The following ERBIN variants were observed in gnomAD, a reference collection of about 807,000 sequenced individuals.
ERBIN encodes the protein densin-180-like protein.
In ERBIN, 60 loss-of-function variants were observed where a neutral mutation model predicts 158.4. The ratio of observed to expected loss-of-function variants is 0.38; its 90% CI spans 0.31 to 0.47. The LOEUF (loss-of-function observed/expected upper bound fraction) is 0.47. Ranked by LOEUF, ERBIN falls within the 20% of genes least tolerant of loss-of-function variation. ERBIN has a pLI of 0.99. For missense variants in ERBIN, 1,610 were observed against 1,648.0 expected (o/e 0.98, Z 0.40); for synonymous variants, 594 against 557.2 (o/e 1.07, Z -0.93).
intron 4 of ERBIN, among the ~76,000 whole-genome samples, chr5:66,001,148 T>A (rs144085024): frequency 0.012 from 1,763 of 152,300 alleles, 29 homozygotes; most frequent in Middle Eastern, 0.065. Context: ...GCAAATGTAA[T>A]ATTTTGAAAT....
chr5:66,018,981 G>C (rs1174542956), intron 7 of ERBIN, among the ~76,000 whole-genome samples: 2 of 152,018 alleles, frequency 1.3e-5, no homozygotes, highest in African/African-American at 4.8e-5. Context: ...ATGCTTTCTT[G>C]ATTTTTCAGA....
intron 1 of ERBIN, among the ~76,000 whole-genome samples, chr5:65,931,347 GA>G (rs1199536546): frequency 6.6e-6 from 1 of 152,182 alleles, no homozygotes; most frequent in Non-Finnish European, 1.5e-5. Context: ...TGAAGCAATA[GA>G]AAAATGGAAA....
chr5:65,984,290 T>C (rs141960644), intron 1 of ERBIN, among the ~76,000 whole-genome samples: 26 of 142,318 alleles, frequency 1.8e-4, no homozygotes, highest in African/African-American at 5.5e-4. Context: ...TCTTCACTTA[T>C]CAGTCTTGTC....
chr5:65,974,373 A>T (rs1333430146), intron 1 of ERBIN, among the ~76,000 whole-genome samples: 3 of 152,214 alleles, frequency 2.0e-5, no homozygotes, highest in Non-Finnish European at 4.4e-5. Flanking sequence ...GAAAGCAAGC[A>T]TAGGTTGGTA....
intron 14 of ERBIN, among the ~76,000 whole-genome samples, chr5:66,034,607 T>A (rs1757207790): frequency 1.6e-5 from 2 of 125,530 alleles, no homozygotes; most frequent in Admixed American, 1.5e-4. Context: ...TCTTGAATCC[T>A]TTTTTTTTTT....
At chr5:66,021,568 T>A (rs1755690805) in intron 8 of ERBIN, among the ~76,000 whole-genome samples, 183 bp downstream of exon 8, 1 of 152,080 alleles carries the variant, frequency 6.6e-6, no homozygotes, top group South Asian at 2.1e-4. Context: ...ACAGATGAAC[T>A]TCTGACCACA....
chr5:66,004,482 T>A (rs1753372290), intron 4 of ERBIN, among the ~76,000 whole-genome samples: 1 of 152,184 alleles, frequency 6.6e-6, no homozygotes, highest in South Asian at 2.1e-4. Flanking sequence ...TACTGCAGTC[T>A]CCACCTCCCA....
chr5:66,025,883 A>G lies in ERBIN; in HGVS notation c.926A>G (p.Asn309Ser), dbSNP rs1201364757. 3 of 1,568,028 alleles carry G rather than the reference A, an allele frequency of 1.9e-6. No homozygotes were observed. Among genetic ancestry groups the G allele is most frequent in the Non-Finnish European group, 2.6e-6 (3 of 1,153,308 alleles). The change falls in exon 12 of 26, where the codon AAT (asparagine) becomes AGT (serine). Residue 309 changes from asparagine (N) to serine (S), a missense_variant. Asn to Ser is a conservative substitution (Grantham distance 46). Transcript: ENST00000284037. ...ISVEELDCSF[N>S]EVEALPSSIG... The stretch of plus-strand genomic sequence containing the variant: ...GTAGAAGAACTGGATTGTAGTTTCA[A>G]TGAAGTTGAAGCTTTGCCTTCATCT...
intron 1 of ERBIN, among the ~76,000 whole-genome samples, chr5:65,980,136 C>T (rs1350755890): frequency 2.0e-5 from 3 of 152,182 alleles, no homozygotes; most frequent in Admixed American, 1.3e-4. Flanking sequence ...AAATATGATA[C>T]TGGGTGTGGT....
At chr5:65,999,492 A>T (rs528808302) in intron 4 of ERBIN, among the ~76,000 whole-genome samples, 1 of 152,240 alleles carries the variant, frequency 6.6e-6, no homozygotes, top group African/African-American at 2.4e-5. Context: ...AATAACCACA[A>T]CATCATTATC....
chr5:66,025,785 A>C, intron 11 of ERBIN, 63 bp from the exon 12 acceptor site: 3 of 1,195,156 alleles, frequency 2.5e-6, no homozygotes. Flanking sequence ...TATGTTCTGA[A>C]ATTTTGGATT....
intron 18 of ERBIN, among the ~76,000 whole-genome samples, chr5:66,047,399 C>T (rs1024678786): frequency 6.6e-6 from 1 of 151,950 alleles, no homozygotes; most frequent in African/African-American, 2.4e-5. Context: ...ATTATTTCCA[C>T]TTTTTGGCTG....
chr5:66,030,312 G>T (rs1756728464), intron 14 of ERBIN, among the ~76,000 whole-genome samples: 1 of 152,158 alleles, frequency 6.6e-6, no homozygotes. Context: ...AAAGTGCTGG[G>T]ATTACAGGTG....
chr5:65,948,288 C>T (rs1746048112), intron 1 of ERBIN, among the ~76,000 whole-genome samples: 1 of 151,874 alleles, frequency 6.6e-6, no homozygotes, highest in South Asian at 2.1e-4. Context: ...AATCTTCCCG[C>T]CTCAGCCTCC....
Position 65,986,164 on chromosome 5 carries a change from A to G in ERBIN, c.-57-2471A>G, listed in dbSNP as rs1751207839. Among the ~76,000 whole-genome samples, 3 of 152,334 alleles carry G rather than the reference A, an allele frequency of 2.0e-5. No individual in the cohort carries two copies. The South Asian group carries it at 6.2e-4, about 32-fold the overall frequency. On this transcript the variant is annotated intron_variant, in intron 1 of 25. Transcript: ENST00000284037. Reference sequence around the variant, plus strand: ...CTATAAGCAGATGACTTTCAGATTTATATCCACAGCTTGGATCTCTTCCCA... The same window carrying G: ...CTATAAGCAGATGACTTTCAGATTTGTATCCACAGCTTGGATCTCTTCCCA...
At chr5:66,016,376 T>C (rs1248195883) in intron 7 of ERBIN, among the ~76,000 whole-genome samples, 1 of 152,236 alleles carries the variant, frequency 6.6e-6, no homozygotes, top group African/African-American at 2.4e-5. Context: ...CTTTTAGAGA[T>C]TCAAATTAGA....
intron 21 of ERBIN, chr5:66,069,029 C>G (rs1580535631): frequency 1.3e-6 from 2 of 1,519,726 alleles, no homozygotes; most frequent in East Asian, 4.9e-5. Flanking sequence ...GAGTGAGTAC[C>G]TACACTAGAC....
At chr5:66,034,115 C>CAAA (rs34390168) in intron 14 of ERBIN, among the ~76,000 whole-genome samples, 5 of 133,056 alleles carry the variant, frequency 3.8e-5, no homozygotes, top group Middle Eastern at 3.9e-3. Context: ...GACTTTGTCT[C>CAAA]AAAAAAAAAA....
At chr5:66,031,146 A>G (rs1255856881) in intron 14 of ERBIN, among the ~76,000 whole-genome samples, 2 of 152,206 alleles carry the variant, frequency 1.3e-5, no homozygotes, top group Non-Finnish European at 2.9e-5. Flanking sequence ...AAAGAATGAC[A>G]TGTAGAGGAG....
Sources: allele counts gnomAD v4.1 joint callset (sites outside exome capture counted in the v4.1 genomes callset), GRCh38; gene constraint gnomAD v4.1.1; transcripts MANE v1.5; gene names NCBI Gene and HGNC (gene_info 2026-07-23, HGNC 2026-07-21).